Variants in SIAH3 observed in about 807,000 individuals in gnomAD.
SIAH3 encodes siah E3 ubiquitin protein ligase family member 3, also known as seven in absentia homolog 3.
Under a neutral mutation model 12.6 loss-of-function variants are expected in SIAH3, and 9 were observed. The ratio of observed to expected loss-of-function variants is 0.72; its 90% CI spans 0.43 to 1.25. The LOEUF is 1.25. SIAH3 is among the 50% of genes most tolerant of loss of function. The probability of loss-of-function intolerance (pLI) is 0.00; values close to 1 mark genes in which losing one functional copy is unlikely to be tolerated. For synonymous variants in SIAH3, 154 were observed against 151.1 expected (o/e 1.02, Z -0.14); for missense variants, 390 against 365.4 (o/e 1.07, Z -0.55).
intron 1 of SIAH3, among the ~76,000 whole-genome samples, chr13:45,814,314 C>T (rs1034059375): frequency 3.3e-5 from 5 of 151,296 alleles, no homozygotes; most frequent in East Asian, 1.9e-4. Flanking sequence ...GGAGTATAGT[C>T]CCCAGGGAGC....
intron 1 of SIAH3, among the ~76,000 whole-genome samples, chr13:45,818,618 A>G (rs2137568821): frequency 6.6e-6 from 1 of 152,288 alleles, no homozygotes; most frequent in East Asian, 1.9e-4. Context: ...TGGCTGCATC[A>G]CTGCAATTTC....
chr13:45,828,740 T>A (rs1593385737), intron 1 of SIAH3, among the ~76,000 whole-genome samples: 1 of 152,172 alleles, frequency 6.6e-6, no homozygotes, highest in African/African-American at 2.4e-5. Flanking sequence ...AATAAGTCAT[T>A]TTCAACAGTG....
chr13:45,838,418 T>A (rs941238742), intron 1 of SIAH3, among the ~76,000 whole-genome samples: 4 of 152,186 alleles, frequency 2.6e-5, no homozygotes, highest in African/African-American at 9.7e-5. Flanking sequence ...TAAACAGATG[T>A]AGCACTTTGG....
In SIAH3 at chr13:45,783,552, C is replaced by CA; in HGVS notation, c.640dup (p.Trp214LeufsTer10). Reference sequence around the variant, plus strand: ...AAGAACAGACCGGGGCGTGGCCTCCCACTTGAGGCGCCGATGGTTTCTGTT... The same window carrying CA: ...AAGAACAGACCGGGGCGTGGCCTCCCAACTTGAGGCGCCGATGGTTTCTGTT... On this transcript the variant is annotated frameshift_variant, in exon 2 of 2. Coordinates refer to ENST00000400405, the MANE Select transcript of SIAH3 (RefSeq NM_198849.3). LOFTEE classifies it high-confidence loss of function. 6.2e-7 allele frequency: 1 copy of CA among 1,614,194 alleles called. No individual in the cohort carries two copies. Among genetic ancestry groups the CA allele is most frequent in the Non-Finnish European group, 8.5e-7 (1 of 1,180,036 alleles).
At chr13:45,833,771 G>A (rs1284167251) in intron 1 of SIAH3, among the ~76,000 whole-genome samples, 1 of 152,102 alleles carries the variant, frequency 6.6e-6, no homozygotes, top group Non-Finnish European at 1.5e-5. Flanking sequence ...TAAGTGGCAG[G>A]GACAGGTCTG....
intron 1 of SIAH3, among the ~76,000 whole-genome samples, chr13:45,791,170 A>AAAAAAAAG (rs1309449821): frequency 6.6e-6 from 1 of 152,072 alleles, no homozygotes; most frequent in Non-Finnish European, 1.5e-5. Context: ...CTCAAAGAAA[A>AAAAAAAAG]AAAAAAAGAA....
At chr13:45,812,842 G>A (rs1950620694) in intron 1 of SIAH3, among the ~76,000 whole-genome samples, 1 of 152,216 alleles carries the variant, frequency 6.6e-6, no homozygotes, top group Non-Finnish European at 1.5e-5. Flanking sequence ...ACACACAAGG[G>A]AAGTTAGGAC....
At position 45,818,029 on chromosome 13, in the gene SIAH3, G is replaced by A. The variant is rs1950640544; in HGVS notation, c.135+33466C>T. ...CTACTGCAAGTTCCTGCAACTCTGT[G>A]CCCTAGAGGGAGCTATTGACAAATG... On this transcript the variant is annotated intron_variant, in intron 1 of 1. Coordinates refer to ENST00000400405, the MANE Select transcript of SIAH3 (RefSeq NM_198849.3). Among the ~76,000 whole-genome samples, 3 of 152,186 alleles carry A rather than the reference G, an allele frequency of 2.0e-5. No homozygotes were observed. In the South Asian group the frequency reaches 6.2e-4, roughly 32 times the overall value.
At chr13:45,801,608 T>A (rs1377286318) in intron 1 of SIAH3, among the ~76,000 whole-genome samples, 1 of 152,180 alleles carries the variant, frequency 6.6e-6, no homozygotes, top group East Asian at 1.9e-4. Context: ...TGAAAATGTG[T>A]GTGTATACAG....
chr13:45,843,101 C>A (rs2137584429), intron 1 of SIAH3, among the ~76,000 whole-genome samples: 1 of 144,328 alleles, frequency 6.9e-6, no homozygotes, highest in East Asian at 2.2e-4. Flanking sequence ...AGGCCTAGGG[C>A]TTAGCTCATT....
chr13:45,822,857 T>G (rs377094873), intron 1 of SIAH3, among the ~76,000 whole-genome samples: 7 of 151,984 alleles, frequency 4.6e-5, no homozygotes, highest in African/African-American at 1.7e-4. Context: ...CATGGCCTCC[T>G]CCCCAGCCTG....
At chr13:45,844,527 C>T (rs779022700) in intron 1 of SIAH3, among the ~76,000 whole-genome samples, 27 of 152,262 alleles carry the variant, frequency 1.8e-4, no homozygotes, top group Middle Eastern at 3.4e-3. Flanking sequence ...GGACTTGGAG[C>T]GAGACATGCT....
intron 1 of SIAH3, among the ~76,000 whole-genome samples, chr13:45,820,869 C>T (rs1950653313): frequency 6.6e-6 from 1 of 152,186 alleles, no homozygotes; most frequent in Admixed American, 6.5e-5. Flanking sequence ...GAGGCTGATG[C>T]CTGCCCTCTG....
intron 1 of SIAH3, among the ~76,000 whole-genome samples, chr13:45,823,821 GTGTT>G (rs1434438403): frequency 1.3e-5 from 2 of 152,224 alleles, no homozygotes; most frequent in African/African-American, 4.8e-5. Flanking sequence ...GGTGCTGACA[GTGTT>G]TGTCAAAGAT....
intron 1 of SIAH3, among the ~76,000 whole-genome samples, chr13:45,791,297 G>A (rs2137551633): frequency 6.6e-6 from 1 of 152,356 alleles, no homozygotes; most frequent in Middle Eastern, 3.4e-3. Flanking sequence ...TGTCTGACAT[G>A]TAGTAGACTC....
intron 1 of SIAH3, among the ~76,000 whole-genome samples, chr13:45,830,979 G>A (rs1435722392): frequency 6.6e-6 from 1 of 152,102 alleles, no homozygotes; most frequent in Non-Finnish European, 1.5e-5. Context: ...AGGAGCTCCA[G>A]ACCAGCCTGG....
intron 1 of SIAH3, among the ~76,000 whole-genome samples, chr13:45,792,716 G>GT (rs1006198646): frequency 2.0e-5 from 3 of 152,102 alleles, no homozygotes; most frequent in East Asian, 3.9e-4. Context: ...CTCATACCTT[G>GT]TTTTTTTCTT....
chr13:45,811,579 C>G (rs938680811), intron 1 of SIAH3, among the ~76,000 whole-genome samples: 2 of 152,164 alleles, frequency 1.3e-5, no homozygotes, highest in Non-Finnish European at 2.9e-5. Flanking sequence ...CCTCCATCCT[C>G]AACCTCCCAA....
intron 1 of SIAH3, among the ~76,000 whole-genome samples, chr13:45,810,005 C>A (rs1950611069): frequency 6.6e-6 from 1 of 152,226 alleles, no homozygotes; most frequent in African/African-American, 2.4e-5. Context: ...TTGCCATGGG[C>A]TCCCTGGTCG....
Sources: allele counts gnomAD v4.1 joint callset (sites outside exome capture counted in the v4.1 genomes callset), GRCh38; gene constraint gnomAD v4.1.1; transcripts MANE v1.5; gene names NCBI Gene and HGNC (gene_info 2026-07-23, HGNC 2026-07-21).